Variants in KDM4B observed in about 807,000 individuals in gnomAD.
The protein encoded by KDM4B is lysine demethylase 4B, also known as lysine-specific demethylase 4B.
A neutral mutation model predicts 125.2 loss-of-function variants in KDM4B; 32 were observed. The observed-to-expected ratio is 0.26, with a 90% CI of 0.19 to 0.34. The LOEUF is 0.34. Ranked by LOEUF, KDM4B falls within the 10% of genes least tolerant of loss-of-function variation. The pLI, the probability that KDM4B is intolerant of heterozygous loss-of-function variation, is 1.00. For synonymous variants in KDM4B, 721 were observed against 677.9 expected (o/e 1.06, Z -0.99); for missense variants, 1,190 against 1,577.7 (o/e 0.75, Z 4.16).
chr19:5,088,952 G>A (rs1438945548), intron 9 of KDM4B, among the ~76,000 whole-genome samples: 3 of 152,172 alleles, frequency 2.0e-5, no homozygotes, highest in African/African-American at 7.2e-5. Flanking sequence ...AGAGAAGCCA[G>A]ACCCAGAGGC....
rs1381035410 is a variant in KDM4B at position 4,969,115 on chromosome 19, G to A, written c.-224G>A. The A allele has an allele frequency of 1.3e-5, 2 of 150,880 alleles. No individual in the cohort carries two copies. Among genetic ancestry groups the A allele is most frequent in the East Asian group, 2.0e-4 (1 of 5,054 alleles). The allele number at this position is 150,880 out of a possible 1,614,324, so 9.3% of individuals were successfully genotyped here. ...AGCCCCCCCGCGAGCGCTTGCGGAG[G>A]GCTCGGTCGCCAGCAACCGAGCGGG... On this transcript the variant is annotated 5_prime_UTR_variant, in exon 1 of 23. Transcript: ENST00000159111.
intron 7 of KDM4B, chr19:5,075,216 G>A (rs2613770): frequency 0.23 from 34,521 of 152,328 alleles, 4,736 homozygotes; most frequent in East Asian, 0.65. Context: ...GAGATGAGGC[G>A]GTAAGTCCCC....
chr19:5,013,458 C>G (rs1471434217), intron 1 of KDM4B, among the ~76,000 whole-genome samples: 1 of 152,214 alleles, frequency 6.6e-6, no homozygotes, highest in Non-Finnish European at 1.5e-5. Flanking sequence ...CCCGTTCATT[C>G]TCTCCCATGC....
At chr19:5,111,440 A>C (rs1469170682) in intron 10 of KDM4B, 1 of 765,250 alleles carries the variant, frequency 1.3e-6, no homozygotes, top group Admixed American at 1.7e-5. Context: ...CCTGGAGGAG[A>C]GGCCAAAGCA....
chr19:5,110,069 G>A (rs1410320655), intron 9 of KDM4B, among the ~76,000 whole-genome samples: 3 of 152,116 alleles, frequency 2.0e-5, no homozygotes, highest in African/African-American at 7.2e-5. Context: ...ACTGAGCTGC[G>A]CCCAGCCCCC....
chr19:5,129,842 G>C (rs1325902983), intron 11 of KDM4B, among the ~76,000 whole-genome samples: 1 of 152,236 alleles, frequency 6.6e-6, no homozygotes, highest in East Asian at 1.9e-4. Context: ...ACAGTGTGCT[G>C]TGCGGCCAGG....
chr19:5,067,823 C>T lies in KDM4B; in HGVS notation c.627-3187C>T, dbSNP rs367958393. Among the ~76,000 whole-genome samples the T allele has an allele frequency of 3.7e-3, 562 of 152,258 alleles. 4 individuals carry two copies. Among genetic ancestry groups the T allele is most frequent in the African/African-American group, 0.013 (548 of 41,538 alleles). The stretch of plus-strand genomic sequence containing the variant: ...TCCAGAAAGCATGCAAGACCCCGTG[C>T]CACCCGGGCACACAGGGCTGTCGTG... On this transcript the variant is annotated intron_variant, in intron 6 of 22. Coordinates refer to ENST00000159111, the MANE Select transcript of KDM4B (RefSeq NM_015015.3).
At chr19:5,014,949 C>G (rs546158969) in intron 1 of KDM4B, among the ~76,000 whole-genome samples, 4 of 150,442 alleles carry the variant, frequency 2.7e-5, no homozygotes, top group Non-Finnish European at 4.4e-5. Flanking sequence ...GAGCCGAGAT[C>G]GTGCCACTGC....
chr19:5,001,189 T>G (rs1036296168), intron 1 of KDM4B, among the ~76,000 whole-genome samples: 1 of 152,066 alleles, frequency 6.6e-6, no homozygotes, highest in African/African-American at 2.4e-5. Flanking sequence ...TGTGCCACCA[T>G]GCCAAGCTAA....
intron 9 of KDM4B, 26 bp from the exon 10 acceptor site, chr19:5,110,596 G>T (rs2039121439): frequency 6.2e-7 from 1 of 1,611,936 alleles, no homozygotes; most frequent in Non-Finnish European, 8.5e-7. Context: ...GTGGCGCGAG[G>T]GCTCAGACCG....
chr19:4,983,135 C>CTTTTT (rs76958173), intron 1 of KDM4B, among the ~76,000 whole-genome samples: 9 of 130,628 alleles, frequency 6.9e-5, no homozygotes, highest in African/African-American at 2.6e-4. Context: ...TTTTTCTTTT[C>CTTTTT]TTTTTTTTTT....
At position 5,103,996 on chromosome 19, in the gene KDM4B, G is replaced by T. The variant is rs528349773; in HGVS notation, c.919-6626G>T. Among the ~76,000 whole-genome samples, 6 of 152,350 alleles carry T rather than the reference G, an allele frequency of 3.9e-5. No individual in the cohort carries two copies. In the East Asian group the frequency reaches 1.2e-3, roughly 29 times the overall value. ...CTTGGCCACCCGCACATCATGGGGT[G>T]GGTGAGGAGCAGAAGGAGGGGCCCT... On this transcript the variant is annotated intron_variant, in intron 9 of 22. Transcript: ENST00000159111.
chr19:5,064,935 T>C (rs2037720424), intron 6 of KDM4B, among the ~76,000 whole-genome samples: 1 of 152,208 alleles, frequency 6.6e-6, no homozygotes, highest in Non-Finnish European at 1.5e-5. Context: ...GCGGCCCTGC[T>C]GTCATTGCCT....
intron 19 of KDM4B, 39 bp from the exon 20 acceptor site, chr19:5,144,209 C>G: frequency 5.7e-6 from 9 of 1,585,032 alleles, no homozygotes; most frequent in Non-Finnish European, 7.7e-6. Context: ...CCACCGACAC[C>G]CGCGCTGACC....
chr19:5,132,194 G>A (rs544000516), intron 13 of KDM4B, among the ~76,000 whole-genome samples, 187 bp downstream of exon 13: 1 of 152,314 alleles, frequency 6.6e-6, no homozygotes, highest in South Asian at 2.1e-4. Context: ...CGTGCGGGGA[G>A]GCAGCTGCTG....
intron 6 of KDM4B, among the ~76,000 whole-genome samples, chr19:5,061,190 C>T (rs1259293198): frequency 6.6e-6 from 1 of 152,238 alleles, no homozygotes. Context: ...AGCTCTGTCT[C>T]CTCCGCCTGC....
chr19:5,100,136 C>G (rs1250641042), intron 9 of KDM4B, among the ~76,000 whole-genome samples: 2 of 152,196 alleles, frequency 1.3e-5, no homozygotes, highest in African/African-American at 4.8e-5. Context: ...TTATTGAACC[C>G]TTTTTGTGTC....
Position 5,082,640 on chromosome 19 carries a change from A to G in KDM4B, c.918+136A>G, listed in dbSNP as rs1355122767. The G allele has an allele frequency of 1.0e-6, 1 of 956,602 alleles. No homozygotes were observed. The highest frequency in any genetic ancestry group is 1.5e-6 in the Non-Finnish European group (1 of 668,046). 59.3% of individuals were successfully genotyped at this position (956,602 alleles called of 1,614,324 possible). A position where few individuals can be genotyped will look rare whatever the true frequency, so the allele number is the denominator to read the frequency against. On this transcript the variant is annotated intron_variant, in intron 9 of 22. Transcript: ENST00000159111. The surrounding 1 kb of genome is among the most constrained non-coding windows in gnomAD (Gnocchi z 5.4). The stretch of plus-strand genomic sequence containing the variant: ...GGCCTGGGCTCTCAACCAGGGTCTG[A>G]TTCTGGGCTCCTCAGAGAGCTTTTG...
intron 2 of KDM4B, among the ~76,000 whole-genome samples, chr19:5,023,836 T>C (rs549188458): frequency 4.3e-5 from 6 of 139,008 alleles, no homozygotes; most frequent in African/African-American, 1.4e-4. Context: ...CAGTCTGGGC[T>C]CACTGCAGCC....
Sources: allele counts gnomAD v4.1 joint callset (sites outside exome capture counted in the v4.1 genomes callset), GRCh38; gene constraint gnomAD v4.1.1; non-coding constraint Gnocchi (gnomAD v3.1); transcripts MANE v1.5; gene names NCBI Gene and HGNC (gene_info 2026-07-23, HGNC 2026-07-21).